PCDHA1: variants seen among roughly 807,000 people sequenced by gnomAD.
The protein encoded by PCDHA1 is protocadherin alpha 1, also known as protocadherin alpha-1.
Under a neutral mutation model 61.3 loss-of-function variants are expected in PCDHA1, and 42 were observed. The ratio of observed to expected loss-of-function variants is 0.69; its 90% CI spans 0.54 to 0.89. The LOEUF (loss-of-function observed/expected upper bound fraction) is 0.89, where lower values mean the gene tolerates loss of function less well. PCDHA1 is among the 40% of genes least tolerant of loss of function. The pLI is 0.00. For synonymous variants in PCDHA1, 610 were observed against 553.8 expected (o/e 1.10, Z -1.43); for missense variants, 1,256 against 1,235.3 (o/e 1.02, Z -0.25).
chr5:140,802,490 C>A, intron 1 of PCDHA1: 1 of 1,614,190 alleles, frequency 6.2e-7, no homozygotes, highest in Non-Finnish European at 8.5e-7. Flanking sequence ...GGGACGGGGG[C>A]TCGCCTTCAC....
rs2150499479 is a variant in PCDHA1 at position 140,850,817 on chromosome 5, G to A, written c.2394+62133G>A. 3 of 1,598,296 alleles carry A rather than the reference G, an allele frequency of 1.9e-6. 1 individual carries two copies. The highest frequency in any genetic ancestry group is 2.6e-6 in the Non-Finnish European group (3 of 1,167,646). On this transcript the variant is annotated intron_variant, in intron 1 of 3. Transcript: ENST00000504120. ...AGACCGACCTCATGGCCTTCAGCCC[G>A]GGCCTTTCTCCTTGTGCTGGATCTA... is the stretch of plus-strand genomic sequence containing the variant.
chr5:140,967,030 C>T, intron 1 of PCDHA1: 1 of 1,609,320 alleles, frequency 6.2e-7, no homozygotes, highest in Non-Finnish European at 8.5e-7. Flanking sequence ...CCAGTCCGCG[C>T]TACCTGGAGC....
chr5:140,809,587 T>G (rs1459606311), intron 1 of PCDHA1: 1 of 1,541,008 alleles, frequency 6.5e-7, no homozygotes, highest in African/African-American at 1.4e-5. Flanking sequence ...GTGTATAACA[T>G]CCTTTTGTTT....
chr5:140,817,480 C>A (rs1051531219), intron 1 of PCDHA1: 2 of 152,168 alleles, frequency 1.3e-5, no homozygotes, highest in Non-Finnish European at 2.9e-5. Flanking sequence ...CCTCTGTTAT[C>A]TTTTTAAGCT....
chr5:140,995,861 A>G (rs2097700846), intron 3 of PCDHA1, among the ~76,000 whole-genome samples: 1 of 152,220 alleles, frequency 6.6e-6, no homozygotes. Context: ...GTATCACTTA[A>G]TAATTGTGCA....
At chr5:140,802,680 G>T (rs1363976699) in intron 1 of PCDHA1, 2 of 1,613,106 alleles carry the variant, frequency 1.2e-6, no homozygotes, top group Admixed American at 3.3e-5. Flanking sequence ...CTACTCGCTG[G>T]TGGAACGGCG....
At chr5:140,954,787 T>C (rs2095088208) in intron 1 of PCDHA1, among the ~76,000 whole-genome samples, 1 of 152,218 alleles carries the variant, frequency 6.6e-6, no homozygotes, top group African/African-American at 2.4e-5. Flanking sequence ...TAGATCTCAT[T>C]TGTCAATTTT....
intron 1 of PCDHA1, among the ~76,000 whole-genome samples, chr5:140,912,304 C>T (rs904729298): frequency 6.6e-6 from 1 of 151,998 alleles, no homozygotes; most frequent in Admixed American, 6.6e-5. Flanking sequence ...TCCTGTAATC[C>T]AGTCAAGTTG....
chr5:140,993,562 C>G (rs1233872464), intron 3 of PCDHA1, among the ~76,000 whole-genome samples: 3 of 150,520 alleles, frequency 2.0e-5, no homozygotes, highest in Non-Finnish European at 4.4e-5. Flanking sequence ...TATATAGTAT[C>G]CTTTCTAGGG....
chr5:140,851,840 T>G, intron 1 of PCDHA1: 1 of 970,530 alleles, frequency 1.0e-6, no homozygotes, highest in South Asian at 4.8e-5. Context: ...TAAAAATATC[T>G]TTTTCTCCTC....
intron 1 of PCDHA1, chr5:140,870,533 C>T (rs1185177447): frequency 1.2e-6 from 2 of 1,614,050 alleles, no homozygotes; most frequent in East Asian, 2.2e-5. Flanking sequence ...TTCACAGTGT[C>T]GGCGCGGGAC....
In PCDHA1 at chr5:140,920,855, A is replaced by C. The variant is rs537725798; in HGVS notation, c.2395-58094A>C. Among the ~76,000 whole-genome samples, 935 of 152,094 alleles carry C rather than the reference A, an allele frequency of 6.1e-3. 10 individuals are homozygous for C. Among genetic ancestry groups the C allele is most frequent in the Admixed American group, 0.012 (185 of 15,278 alleles). On this transcript the variant is annotated intron_variant, in intron 1 of 3. Coordinates refer to ENST00000504120, the MANE Select transcript of PCDHA1 (RefSeq NM_018900.4). ...AAGACCAAATCTAAAAAAAAAAAAAAAAACAAACAAACTGTGGCCCTTAGA... is the reference window on the plus strand; with the variant it reads ...AAGACCAAATCTAAAAAAAAAAAAACAAACAAACAAACTGTGGCCCTTAGA...
intron 1 of PCDHA1, chr5:140,802,441 G>A (rs782314655): frequency 3.7e-6 from 6 of 1,614,220 alleles, no homozygotes; most frequent in Admixed American, 1.7e-5. Flanking sequence ...CCTCTGGACC[G>A]CGAGAGCGTG....
intron 1 of PCDHA1, among the ~76,000 whole-genome samples, chr5:140,790,401 A>G (rs1761583805): frequency 6.6e-6 from 1 of 152,256 alleles, no homozygotes; most frequent in Non-Finnish European, 1.5e-5. Context: ...CCTTGTGAAG[A>G]CATTCTATGA....
intron 1 of PCDHA1, chr5:140,928,289 G>C (rs1554205708): frequency 6.2e-7 from 1 of 1,614,170 alleles, no homozygotes; most frequent in Non-Finnish European, 8.5e-7. Flanking sequence ...TCTCTAGGCC[G>C]AGTGTTTGCC....
chr5:140,825,885 A>T (rs1768750702), intron 1 of PCDHA1: 1 of 152,452 alleles, frequency 6.6e-6, no homozygotes, highest in African/African-American at 2.4e-5. Flanking sequence ...AGAGTTGTTT[A>T]TTAAAGCTGT....
intron 1 of PCDHA1, chr5:140,876,192 G>C: frequency 6.2e-7 from 1 of 1,613,850 alleles, no homozygotes; most frequent in Non-Finnish European, 8.5e-7. Flanking sequence ...ACAATGGTCC[G>C]GCGTTTGATA....
At chr5:140,879,799 G>C (rs1165330277) in intron 1 of PCDHA1, among the ~76,000 whole-genome samples, 5 of 152,188 alleles carry the variant, frequency 3.3e-5, no homozygotes, top group Non-Finnish European at 7.3e-5. Flanking sequence ...GTTTCTTCCA[G>C]TTTCTATTGG....
intron 1 of PCDHA1, among the ~76,000 whole-genome samples, chr5:140,957,554 G>A (rs1291687434): frequency 6.6e-6 from 1 of 152,074 alleles, no homozygotes; most frequent in African/African-American, 2.4e-5. Flanking sequence ...ATTCTCTGTG[G>A]AAAAGGAGGG....
Sources: gnomAD v4.1 joint callset for allele counts (sites outside exome capture counted in the v4.1 genomes callset) on GRCh38, gnomAD v4.1.1 for gene constraint, MANE v1.5 for transcripts, NCBI Gene and HGNC (gene_info 2026-07-23, HGNC 2026-07-21) for gene names.